MPDZ: variants seen among roughly 807,000 people sequenced by gnomAD.
MPDZ encodes the protein multiple PDZ domain crumbs cell polarity complex component.
MPDZ carries 234 observed loss-of-function variants against 239.1 expected under a neutral mutation model. The observed-to-expected ratio is 0.98, with a 90% CI of 0.88 to 1.09. MPDZ has a LOEUF of 1.09. MPDZ is among the 50% of genes least tolerant of loss of function. The pLI, the probability that MPDZ is intolerant of heterozygous loss-of-function variation, is 0.00. For missense variants in MPDZ, 3,175 were observed against 2,510.0 expected (o/e 1.26, Z -5.66); for synonymous variants, 1,048 against 881.3 (o/e 1.19, Z -3.35).
chr9:13,260,493 T>G (rs1970440018), intron 1 of MPDZ, among the ~76,000 whole-genome samples: 1 of 152,194 alleles, frequency 6.6e-6, no homozygotes, highest in African/African-American at 2.4e-5. Context: ...AGAGTTTGAA[T>G]AGCTGAGTAT....
In MPDZ at chr9:13,272,615, T is replaced by C. The variant is rs566322411; in HGVS notation, c.-58+6785A>G. On this transcript the variant is annotated intron_variant, in intron 1 of 46. Coordinates refer to ENST00000319217, the MANE Select transcript of MPDZ (RefSeq NM_001378778.1). ...GCTCACTCCTGTAATCCCAACACTT[T>C]TGGAGGCTGAGGCGGGGAGATCACC... 4.0e-5 allele frequency among the ~76,000 whole-genome samples: 6 copies of C among 150,902 alleles called. No homozygotes were observed. In the South Asian group the frequency reaches 1.3e-3, roughly 32 times the overall value.
intron 39 of MPDZ, among the ~76,000 whole-genome samples, chr9:13,117,934 T>C (rs976580686): frequency 6.8e-6 from 1 of 147,466 alleles, no homozygotes; most frequent in African/African-American, 2.5e-5. Context: ...AACCTCTGCC[T>C]CCCGGGTTCA....
intron 8 of MPDZ, among the ~76,000 whole-genome samples, chr9:13,219,243 A>T (rs938062962): frequency 1.3e-5 from 2 of 151,962 alleles, no homozygotes; most frequent in Non-Finnish European, 2.9e-5. Context: ...GACAGAATTA[A>T]ACATTTTAGG....
At chr9:13,238,275 A>G (rs1197359119) in intron 3 of MPDZ, among the ~76,000 whole-genome samples, 1 of 152,192 alleles carries the variant, frequency 6.6e-6, no homozygotes, top group African/African-American at 2.4e-5. Flanking sequence ...CCATGTGTAC[A>G]GTAAGGAGCA....
chr9:13,275,762 T>C (rs1279386546), intron 1 of MPDZ, among the ~76,000 whole-genome samples: 4 of 152,178 alleles, frequency 2.6e-5, no homozygotes, highest in African/African-American at 9.7e-5. Flanking sequence ...CTCCATTAAT[T>C]GCTCTTCCCT....
At chr9:13,241,025 G>A (rs1965279601) in intron 3 of MPDZ, among the ~76,000 whole-genome samples, 2 of 152,098 alleles carry the variant, frequency 1.3e-5, no homozygotes, top group Non-Finnish European at 2.9e-5. Context: ...ATCCAGCACT[G>A]TATAAAAAGC....
At chr9:13,121,435 G>C (rs1944331747) in intron 38 of MPDZ, among the ~76,000 whole-genome samples, 1 of 152,156 alleles carries the variant, frequency 6.6e-6, no homozygotes, top group African/African-American at 2.4e-5. Flanking sequence ...TGAGTTTTTG[G>C]AGTTCAGGAA....
intron 28 of MPDZ, among the ~76,000 whole-genome samples, chr9:13,139,535 T>C (rs1391902855): frequency 1.4e-4 from 21 of 152,184 alleles, no homozygotes; most frequent in Non-Finnish European, 1.5e-5. Context: ...TTAAACAGCT[T>C]AGTCAATGCC....
intron 43 of MPDZ, 54 bp downstream of exon 43, chr9:13,111,969 TA>T: frequency 6.3e-7 from 1 of 1,588,750 alleles, no homozygotes; most frequent in Admixed American, 1.7e-5. Context: ...CAAAGGTTTA[TA>T]AAAACACTTC....
At chr9:13,274,704 A>G (rs1357285407) in intron 1 of MPDZ, 1 of 152,140 alleles carries the variant, frequency 6.6e-6, no homozygotes, top group Non-Finnish European at 1.5e-5. Context: ...ACATTTCTGA[A>G]GGAAAAAAGA....
intron 13 of MPDZ, among the ~76,000 whole-genome samples, chr9:13,194,828 T>A (rs902664547): frequency 6.6e-6 from 1 of 152,156 alleles, no homozygotes; most frequent in Non-Finnish European, 1.5e-5. Flanking sequence ...TATGCACACC[T>A]GCCACATTAA....
At chr9:13,142,335 T>A (rs1947829951) in intron 27 of MPDZ, among the ~76,000 whole-genome samples, 1 of 152,116 alleles carries the variant, frequency 6.6e-6, no homozygotes, top group Non-Finnish European at 1.5e-5. Context: ...CTAACCTACC[T>A]GACTAATAAA....
chr9:13,271,387 T>C (rs1024200461), intron 1 of MPDZ, among the ~76,000 whole-genome samples: 6 of 152,086 alleles, frequency 3.9e-5, no homozygotes, highest in African/African-American at 7.2e-5. Flanking sequence ...TGAAGGCAAA[T>C]AGGAAACGGA....
intron 1 of MPDZ, among the ~76,000 whole-genome samples, chr9:13,274,096 T>C (rs1043572022): frequency 6.6e-6 from 1 of 152,186 alleles, no homozygotes; most frequent in Non-Finnish European, 1.5e-5. Flanking sequence ...GTGGGAGTGG[T>C]ATCTGGGTGA....
intron 32 of MPDZ, among the ~76,000 whole-genome samples, chr9:13,128,109 C>T (rs535588670): frequency 7.2e-5 from 11 of 152,150 alleles, no homozygotes; most frequent in Non-Finnish European, 8.8e-5. Flanking sequence ...TTCTCTCTTC[C>T]CCCTTCTTCC....
intron 21 of MPDZ, among the ~76,000 whole-genome samples, chr9:13,173,563 C>T (rs1952060481): frequency 6.6e-6 from 1 of 151,896 alleles, no homozygotes; most frequent in African/African-American, 2.4e-5. Flanking sequence ...ATCAGCTGGG[C>T]ATGGTGGCAG....
chr9:13,183,335 C>T (rs1953624199), intron 19 of MPDZ, 83 bp downstream of exon 19: 16 of 1,101,860 alleles, frequency 1.5e-5, no homozygotes, highest in Admixed American at 3.0e-5. Context: ...TATGTTATTC[C>T]CACAACTCCC....
At chr9:13,231,133 A>G (rs967318883) in intron 3 of MPDZ, among the ~76,000 whole-genome samples, 1 of 152,196 alleles carries the variant, frequency 6.6e-6, no homozygotes, top group Non-Finnish European at 1.5e-5. Flanking sequence ...TGATTAATAT[A>G]GCAAACATAA....
chr9:13,223,754 A>T, intron 4 of MPDZ, 44 bp from the exon 5 acceptor site: 1 of 1,533,298 alleles, frequency 6.5e-7, no homozygotes, highest in Non-Finnish European at 8.8e-7. Context: ...AAGCCAGGCC[A>T]TGCATGGTGG....
Sources: gnomAD v4.1 joint callset for allele counts (sites outside exome capture counted in the v4.1 genomes callset) on GRCh38, gnomAD v4.1.1 for gene constraint, MANE v1.5 for transcripts, NCBI Gene and HGNC (gene_info 2026-07-23, HGNC 2026-07-21) for gene names.